The following OPCML variants were observed in gnomAD, a reference collection of about 807,000 sequenced individuals.
OPCML encodes the protein opioid-binding protein/cell adhesion molecule.
Under a neutral mutation model 37.8 loss-of-function variants are expected in OPCML, and 13 were observed. The observed-to-expected ratio is 0.34, with a 90% confidence interval of 0.22 to 0.55. OPCML has a LOEUF of 0.55. Among genes scored for constraint, OPCML ranks in the 20% least tolerant of loss-of-function variants. OPCML has a pLI of 0.91. For missense variants in OPCML, 341 were observed against 435.6 expected (o/e 0.78, Z 1.93); for synonymous variants, 176 against 168.8 (o/e 1.04, Z -0.33).
rs1342471547 is a variant in OPCML at position 133,333,215 on chromosome 11, T to A, written c.61+199049A>T. 3.3e-5 allele frequency among the ~76,000 whole-genome samples: 5 copies of A among 152,166 alleles called. No homozygotes were observed. The East Asian group carries it at 9.7e-4, about 30-fold the overall frequency. On this transcript the variant is annotated intron_variant, in intron 1 of 7. Transcript: ENST00000524381. ...CTGGGATTACAGGCACCCACCACCA[T>A]GCCCAGTACATTTTTGTATTTTTAG...
intron 3 of OPCML, among the ~76,000 whole-genome samples, chr11:132,641,919 G>A (rs1940873316): frequency 2.0e-5 from 3 of 152,184 alleles, no homozygotes; most frequent in South Asian, 2.1e-4. Context: ...GCTCACATCG[G>A]CAGGGTGTTT....
intron 1 of OPCML, among the ~76,000 whole-genome samples, chr11:133,403,005 G>T (rs893753061): frequency 6.6e-6 from 1 of 152,174 alleles, no homozygotes; most frequent in African/African-American, 2.4e-5. Context: ...TGTTCTTTCT[G>T]TGACTATATG....
At chr11:133,109,968 G>C (rs908007670) in intron 1 of OPCML, among the ~76,000 whole-genome samples, 1 of 152,192 alleles carries the variant, frequency 6.6e-6, no homozygotes, top group Non-Finnish European at 1.5e-5. Context: ...AGACAATTTT[G>C]CTCTCCATAG....
chr11:133,422,035 G>T, intron 1 of OPCML: 3 of 528,588 alleles, frequency 5.7e-6, no homozygotes, highest in Non-Finnish European at 7.3e-6. Flanking sequence ...TGTTACATAG[G>T]TGTATACGTG....
At chr11:133,196,707 C>CATCCCACAGCT (rs1158704239) in intron 1 of OPCML, among the ~76,000 whole-genome samples, 2 of 152,108 alleles carry the variant, frequency 1.3e-5, no homozygotes, top group Non-Finnish European at 2.9e-5. Flanking sequence ...CAATTGAGAC[C>CATCCCACAGCT]ATCCCACAGC....
At chr11:132,741,652 C>A (rs1303068023) in intron 2 of OPCML, among the ~76,000 whole-genome samples, 1 of 152,178 alleles carries the variant, frequency 6.6e-6, no homozygotes, top group African/African-American at 2.4e-5. Context: ...CAACTCTAAT[C>A]ACTAAAGGCA....
chr11:132,984,089 A>G (rs562921494), intron 1 of OPCML, among the ~76,000 whole-genome samples: 2 of 152,274 alleles, frequency 1.3e-5, no homozygotes, highest in African/African-American at 4.8e-5. Flanking sequence ...ATCTGCTTCC[A>G]ATGGGCTTTA....
At chr11:132,809,223 T>C (rs888040679) in intron 2 of OPCML, among the ~76,000 whole-genome samples, 1 of 152,204 alleles carries the variant, frequency 6.6e-6, no homozygotes, top group African/African-American at 2.4e-5. Context: ...ACGTGGCTCA[T>C]TTCCCATTCA....
chr11:133,105,691 G>C (rs1949145813), intron 1 of OPCML, among the ~76,000 whole-genome samples: 1 of 152,154 alleles, frequency 6.6e-6, no homozygotes, highest in African/African-American at 2.4e-5. Flanking sequence ...GGTTGCAAAA[G>C]AAAAAGAGGC....
chr11:133,479,784 C>T (rs529996972), intron 1 of OPCML, among the ~76,000 whole-genome samples: 2 of 152,346 alleles, frequency 1.3e-5, no homozygotes, highest in African/African-American at 2.4e-5. Context: ...GAACAAATGA[C>T]ACCCATGGCT....
At chr11:132,786,425 CAAAT>C (rs1262156466) in intron 2 of OPCML, among the ~76,000 whole-genome samples, 2 of 152,084 alleles carry the variant, frequency 1.3e-5, no homozygotes. Flanking sequence ...TTGGATAACT[CAAAT>C]AAAGTAAGTG....
At chr11:133,167,609 A>G (rs1443031371) in intron 1 of OPCML, among the ~76,000 whole-genome samples, 1 of 151,890 alleles carries the variant, frequency 6.6e-6, no homozygotes, top group African/African-American at 2.4e-5. Flanking sequence ...GGTTTTCCCA[A>G]ATTTCACCTT....
chr11:133,515,843 GA>G (rs538181282), intron 1 of OPCML, among the ~76,000 whole-genome samples: 1,891 of 134,172 alleles, frequency 0.014, 29 homozygotes, highest in African/African-American at 0.039. Flanking sequence ...CCAAGAAGAG[GA>G]AAAAAAAAAA....
intron 1 of OPCML, among the ~76,000 whole-genome samples, chr11:133,198,398 T>C (rs928234747): frequency 9.9e-5 from 15 of 152,284 alleles, no homozygotes; most frequent in African/African-American, 3.4e-4. Context: ...ATTTAGCAAG[T>C]AAAGAATCAG....
intron 4 of OPCML, among the ~76,000 whole-genome samples, chr11:132,517,604 G>C (rs900278739): frequency 6.6e-6 from 1 of 152,190 alleles, no homozygotes; most frequent in East Asian, 1.9e-4. Flanking sequence ...TACAGAACTT[G>C]TAAAGTCGGT....
At chr11:133,352,999 G>A (rs1467869616) in intron 1 of OPCML, among the ~76,000 whole-genome samples, 2 of 152,132 alleles carry the variant, frequency 1.3e-5, no homozygotes, top group Admixed American at 6.5e-5. Flanking sequence ...TCTAACATAC[G>A]ACAGGTGCCC....
chr11:133,134,392 A>G (rs1464160139), intron 1 of OPCML, among the ~76,000 whole-genome samples: 1 of 152,038 alleles, frequency 6.6e-6, no homozygotes, highest in Non-Finnish European at 1.5e-5. Flanking sequence ...CCTCCCAAAC[A>G]CTGGAAGTCC....
At chr11:132,539,915 C>T (rs772572861) in intron 3 of OPCML, among the ~76,000 whole-genome samples, 57 of 151,088 alleles carry the variant, frequency 3.8e-4, no homozygotes, top group Middle Eastern at 3.4e-3. Context: ...CTGATGATGA[C>T]GATAGTGGTG....
At chr11:133,378,872 G>T (rs1944870969) in intron 1 of OPCML, among the ~76,000 whole-genome samples, 1 of 151,960 alleles carries the variant, frequency 6.6e-6, no homozygotes, top group Non-Finnish European at 1.5e-5. Context: ...AATATGAGCA[G>T]CTAGGACAAC....
Sources: gnomAD v4.1 joint callset for allele counts (sites outside exome capture counted in the v4.1 genomes callset) on GRCh38, gnomAD v4.1.1 for gene constraint, MANE v1.5 for transcripts, NCBI Gene and HGNC (gene_info 2026-07-23, HGNC 2026-07-21) for gene names.